The following DSCAM variants were observed in gnomAD, a reference collection of about 807,000 sequenced individuals.
The protein encoded by DSCAM is cell adhesion molecule DSCAM.
A neutral mutation model predicts 217.7 loss-of-function variants in DSCAM; 47 were observed. That is an observed-to-expected ratio of 0.22 (90% CI 0.17 to 0.28). DSCAM has a LOEUF of 0.28. DSCAM is among the 10% of genes least tolerant of loss of function. DSCAM has a pLI of 1.00. For synonymous variants in DSCAM, 1,056 were observed against 1,015.3 expected, an observed-to-expected ratio of 1.04 and a Z score of -0.76; for missense variants, 2,080 against 2,618.3, an observed-to-expected ratio of 0.79 and a Z score of 4.49.
Position 40,144,301 on chromosome 21 carries a change from T to C in DSCAM, c.3259+190A>G, listed in dbSNP as rs1204942808. On this transcript the variant is annotated intron_variant, in intron 17 of 32. Transcript: ENST00000400454. The surrounding 1 kb of genome is among the most constrained non-coding windows in gnomAD (Gnocchi z 4.8). ...ACTTGCTGGCTTTGCAGTCCAGCCCTGCCCCAGGGCGGGCAGATCAGCGGG... is the reference window on the plus strand; with the variant it reads ...ACTTGCTGGCTTTGCAGTCCAGCCCCGCCCCAGGGCGGGCAGATCAGCGGG... 6.6e-6 allele frequency among the ~76,000 whole-genome samples: 1 copy of C among 152,158 alleles called. No homozygotes were observed. Among genetic ancestry groups the C allele is most frequent in the African/African-American group, 2.4e-5 (1 of 41,442 alleles).
chr21:40,484,066 A>G (rs2076004922), intron 3 of DSCAM, among the ~76,000 whole-genome samples: 1 of 152,206 alleles, frequency 6.6e-6, no homozygotes, highest in Non-Finnish European at 1.5e-5. Context: ...GATGTTAGAC[A>G]AGGTTCTTGC....
In DSCAM at chr21:40,133,985, G is replaced by A; in HGVS notation, c.3431C>T (p.Thr1144Ile). The change falls in exon 19 of 33, where the codon ACC becomes ATC. Residue 1144 changes from threonine (T) to isoleucine (I), a missense_variant. Transcript: ENST00000400454. ...DGELGEIKNI[T>I]TTQPSLELDG... ...CAGCTCCAGTGAAGGCTGTGTGGTG[G>A]TGATGTTTTTAATCTCACCCAGCTC... The A allele has an allele frequency of 1.2e-6, 2 of 1,611,930 alleles. No individual in the cohort carries two copies. Among genetic ancestry groups the A allele is most frequent in the Non-Finnish European group, 1.7e-6 (2 of 1,179,158 alleles).
intron 3 of DSCAM, among the ~76,000 whole-genome samples, chr21:40,619,949 AAAAAAGG>A (rs1162541077): frequency 6.6e-5 from 10 of 150,948 alleles, no homozygotes; most frequent in African/African-American, 2.4e-4. Context: ...GGAAAGGAAG[AAAAAAGG>A]AAAAAGAGAA....
chr21:40,363,511 C>T (rs2074791986), intron 4 of DSCAM, among the ~76,000 whole-genome samples: 1 of 152,014 alleles, frequency 6.6e-6, no homozygotes, highest in Non-Finnish European at 1.5e-5. Context: ...CCTCGGTCTC[C>T]CAAAGTGCTG....
chr21:40,779,696 A>G (rs895616936), intron 1 of DSCAM, among the ~76,000 whole-genome samples: 8 of 152,194 alleles, frequency 5.3e-5, no homozygotes, highest in Non-Finnish European at 2.9e-5. Flanking sequence ...AATACATAGT[A>G]AGTGAAGGAC....
rs118086919 is a variant in DSCAM, at chr21:40,815,167, C to A, written c.43+31452G>T. On this transcript the variant is annotated intron_variant, in intron 1 of 32. Transcript: ENST00000400454. Reference sequence around the variant, plus strand: ...CATTGCCATTTTGTTAGTTCCAGTTCCCAAAGAAAAAAGGTAACCCCAATC... The same window carrying A: ...CATTGCCATTTTGTTAGTTCCAGTTACCAAAGAAAAAAGGTAACCCCAATC... 9.2e-3 allele frequency among the ~76,000 whole-genome samples: 1,401 copies of A among 152,052 alleles called. 16 individuals carry two copies. Among genetic ancestry groups the A allele is most frequent in the Non-Finnish European group, 0.015 (1,040 of 67,970 alleles).
At chr21:40,476,184 TC>T (rs2075933872) in intron 3 of DSCAM, among the ~76,000 whole-genome samples, 1 of 152,108 alleles carries the variant, frequency 6.6e-6, no homozygotes, top group Non-Finnish European at 1.5e-5. Flanking sequence ...TCCTTGTATT[TC>T]TATAGGAGGG....
At chr21:40,447,056 C>T (rs1359171620) in intron 3 of DSCAM, among the ~76,000 whole-genome samples, 1 of 152,174 alleles carries the variant, frequency 6.6e-6, no homozygotes, top group Non-Finnish European at 1.5e-5. Flanking sequence ...TTCTGTCATG[C>T]TCTGGCAGAG....
At position 40,185,553 on chromosome 21, in the gene DSCAM, C is replaced by T. The variant is rs186028528; in HGVS notation, c.2779+1578G>A. Among the ~76,000 whole-genome samples, 920 of 152,312 alleles carry T rather than the reference C, an allele frequency of 6.0e-3. 11 individuals carry two copies. The highest frequency in any genetic ancestry group is 0.031 in the Middle Eastern group (9 of 294). On this transcript the variant is annotated intron_variant, in intron 14 of 32. Coordinates refer to ENST00000400454, the MANE Select transcript of DSCAM (RefSeq NM_001389.5). ...CTCCCGCACCAACAGCATGGGCAGC[C>T]TGCAGCCCCATAGCCAGTGCGCAGC...
At chr21:40,758,202 C>T (rs1314709412) in intron 1 of DSCAM, among the ~76,000 whole-genome samples, 1 of 152,088 alleles carries the variant, frequency 6.6e-6, no homozygotes, top group Non-Finnish European at 1.5e-5. Context: ...CGTGCTCACA[C>T]CTTGACTTTA....
At chr21:40,361,182 G>C (rs114513250) in intron 4 of DSCAM, among the ~76,000 whole-genome samples, 1 of 151,162 alleles carries the variant, frequency 6.6e-6, no homozygotes, top group Non-Finnish European at 1.5e-5. Flanking sequence ...ATTTGAAAAC[G>C]TACAGAAAAG....
At chr21:40,191,486 C>T (rs726103) in intron 11 of DSCAM, among the ~76,000 whole-genome samples, 69,363 of 151,994 alleles carry the variant, frequency 0.46, 16,213 homozygotes, top group African/African-American at 0.56. Context: ...CCCCCTTCCC[C>T]TAGCCTATAA....
At chr21:40,521,127 G>A (rs950007989) in intron 3 of DSCAM, among the ~76,000 whole-genome samples, 1 of 152,134 alleles carries the variant, frequency 6.6e-6, no homozygotes, top group Non-Finnish European at 1.5e-5. Context: ...TTGACCTTCT[G>A]ATGACATTTG....
At chr21:40,603,815 T>C (rs2077080909) in intron 3 of DSCAM, among the ~76,000 whole-genome samples, 1 of 152,122 alleles carries the variant, frequency 6.6e-6, no homozygotes, top group South Asian at 2.1e-4. Flanking sequence ...CTTAGCTTTG[T>C]CTCTCTACAG....
At chr21:40,043,954 A>G (rs2088800394) in intron 31 of DSCAM, 124 bp downstream of exon 31, 1 of 963,052 alleles carries the variant, frequency 1.0e-6, no homozygotes, top group Non-Finnish European at 1.6e-6. Flanking sequence ...TTTGAAAGTG[A>G]CCTTCAAAAG....
rs777791578 is a variant in DSCAM, at chr21:40,692,892, G to C, written c.426C>G (p.Val142=). 3.3e-5 allele frequency: 53 copies of C among 1,613,946 alleles called. No individual in the cohort carries two copies. The highest frequency in any genetic ancestry group is 4.5e-5 in the Non-Finnish European group (53 of 1,179,970). Residue 142 remains valine, a synonymous_variant, in exon 3 of 33, where the codon GTC becomes GTG. Coordinates refer to ENST00000400454, the MANE Select transcript of DSCAM (RefSeq NM_001389.5). ...DQKTMRGNVA[V]FKCIIPSSVE... is the part of the protein sequence containing the mutation. ...CCGAGGAGGGGATAATGCACTTGAA[G>C]ACCGCAACATTGCCTCTCATGGTTT...
chr21:40,342,264 T>C lies in DSCAM; in HGVS notation c.1211-2849A>G, dbSNP rs75958479. Reference sequence around the variant, plus strand: ...TTGTAAGATTCCTATAGAGATTATATATAATATCTGTCAACATATATATGA... The same window carrying C: ...TTGTAAGATTCCTATAGAGATTATACATAATATCTGTCAACATATATATGA... On this transcript the variant is annotated intron_variant, in intron 6 of 32. Transcript: ENST00000400454. Among the ~76,000 whole-genome samples, 101 of 152,244 alleles carry C rather than the reference T, an allele frequency of 6.6e-4. 1 individual carries two copies. The East Asian group carries it at 0.019, about 29-fold the overall frequency.
At chr21:40,817,892 C>A (rs374654472) in intron 1 of DSCAM, among the ~76,000 whole-genome samples, 2 of 142,946 alleles carry the variant, frequency 1.4e-5, no homozygotes, top group South Asian at 2.3e-4. Flanking sequence ...GTCAGGAGAT[C>A]GAGACCATCC....
chr21:40,189,111 A>G lies in DSCAM; in HGVS notation c.2484T>C (p.Ile828=), dbSNP rs1316883175. 1.2e-6 allele frequency: 2 copies of G among 1,614,108 alleles called. No individual in the cohort carries two copies. The highest frequency in any genetic ancestry group is 2.2e-5 in the South Asian group (2 of 91,068). Residue 828 remains isoleucine (I), a synonymous_variant, in exon 12 of 33, where the codon ATT becomes ATC. Coordinates refer to ENST00000400454, the MANE Select transcript of DSCAM (RefSeq NM_001389.5). ...CAAGATAACGGGCCATCTCAGGGTT[A>G]ATGATTCGGTCCTCCTTCTCCCAGC... The part of the protein sequence containing the change: ...IVRWEKEDRI[I]NPEMARYLVS...
Sources: allele counts gnomAD v4.1 joint callset (sites outside exome capture counted in the v4.1 genomes callset), GRCh38; gene constraint gnomAD v4.1.1; non-coding constraint Gnocchi (gnomAD v3.1); transcripts MANE v1.5; gene names NCBI Gene and HGNC (gene_info 2026-07-23, HGNC 2026-07-21).